The following COX7B2 variants were observed in gnomAD, a reference collection of about 807,000 sequenced individuals.
The protein encoded by COX7B2 is cytochrome c oxidase subunit 7B2, also known as cytochrome c oxidase subunit 7B2, mitochondrial.
For missense variants in COX7B2, 109 were observed against 95.9 expected, an observed-to-expected ratio of 1.14 and a Z score of -0.57; for synonymous variants, 37 against 32.1, an observed-to-expected ratio of 1.15 and a Z score of -0.51.
chr4:46,874,394 A>G (rs532245180), intron 1 of COX7B2, among the ~76,000 whole-genome samples: 25 of 152,350 alleles, frequency 1.6e-4, no homozygotes, highest in Non-Finnish European at 2.6e-4. Flanking sequence ...AGTGGTGAGT[A>G]GAATTTCACC....
intron 2 of COX7B2, among the ~76,000 whole-genome samples, chr4:46,745,820 C>T (rs2109413637): frequency 6.6e-6 from 1 of 152,270 alleles, no homozygotes; most frequent in South Asian, 2.1e-4. Flanking sequence ...AATCAGAATA[C>T]AGATTTTTGT....
At chr4:46,757,879 T>C (rs1366790588) in intron 2 of COX7B2, among the ~76,000 whole-genome samples, 1 of 152,130 alleles carries the variant, frequency 6.6e-6, no homozygotes, top group Non-Finnish European at 1.5e-5. Flanking sequence ...CACAAGGCCC[T>C]GAGGCAGAAA....
At chr4:46,758,006 G>A (rs1715900793) in intron 2 of COX7B2, among the ~76,000 whole-genome samples, 1 of 151,906 alleles carries the variant, frequency 6.6e-6, no homozygotes, top group African/African-American at 2.4e-5. Context: ...GATTTTATTT[G>A]CAGCTACAAT....
intron 2 of COX7B2, among the ~76,000 whole-genome samples, chr4:46,751,693 G>C (rs1490874390): frequency 6.6e-6 from 1 of 152,040 alleles, no homozygotes; most frequent in Non-Finnish European, 1.5e-5. Context: ...TTTATATTAG[G>C]TGGGCAGAAA....
chr4:46,840,494 A>T (rs1206608789), intron 2 of COX7B2, among the ~76,000 whole-genome samples: 1 of 151,960 alleles, frequency 6.6e-6, no homozygotes, highest in African/African-American at 2.4e-5. Flanking sequence ...GAGAGAGTCA[A>T]TGTAAATAGA....
intron 1 of COX7B2, among the ~76,000 whole-genome samples, chr4:46,884,250 G>A (rs1326436712): frequency 2.0e-5 from 3 of 152,056 alleles, no homozygotes; most frequent in Non-Finnish European, 4.4e-5. Context: ...GAGTGCAGTG[G>A]CACCACCATA....
chr4:46,907,185 A>G (rs1720442606), intron 1 of COX7B2, among the ~76,000 whole-genome samples: 1 of 152,050 alleles, frequency 6.6e-6, no homozygotes, highest in Non-Finnish European at 1.5e-5. Context: ...TCTTTTACCA[A>G]TCCTATGACA....
At chr4:46,769,103 T>A (rs1442978676) in intron 2 of COX7B2, among the ~76,000 whole-genome samples, 1 of 151,926 alleles carries the variant, frequency 6.6e-6, no homozygotes, top group African/African-American at 2.4e-5. Flanking sequence ...AACAAACATT[T>A]AAATAAGAAT....
intron 2 of COX7B2, among the ~76,000 whole-genome samples, chr4:46,839,890 T>A (rs568669261): frequency 9.2e-5 from 14 of 151,912 alleles, no homozygotes; most frequent in Admixed American, 4.6e-4. Flanking sequence ...ATACAAAATA[T>A]AGGTGGGGAG....
intron 2 of COX7B2, among the ~76,000 whole-genome samples, chr4:46,768,296 C>G (rs1716666389): frequency 6.6e-6 from 1 of 152,208 alleles, no homozygotes; most frequent in Non-Finnish European, 1.5e-5. Context: ...GGAAAGCAGT[C>G]TTCCCCTGGA....
chr4:46,804,247 G>C (rs1560391672), intron 2 of COX7B2, among the ~76,000 whole-genome samples: 1 of 152,174 alleles, frequency 6.6e-6, no homozygotes, highest in Non-Finnish European at 1.5e-5. Context: ...CGGACCCAAA[G>C]AGTGAGCAGT....
intron 1 of COX7B2, among the ~76,000 whole-genome samples, chr4:46,878,139 G>C (rs962947083): frequency 5.3e-5 from 8 of 151,856 alleles, no homozygotes; most frequent in African/African-American, 1.9e-4. Flanking sequence ...AAATAAGCCA[G>C]ACACAGAAAG....
chr4:46,885,445 A>G (rs1719027703), intron 1 of COX7B2, among the ~76,000 whole-genome samples: 1 of 152,178 alleles, frequency 6.6e-6, no homozygotes, highest in African/African-American at 2.4e-5. Context: ...AAGTAAACAT[A>G]TAAACAAGTT....
intron 2 of COX7B2, among the ~76,000 whole-genome samples, chr4:46,759,560 G>T (rs2109466127): frequency 6.6e-6 from 1 of 152,044 alleles, no homozygotes; most frequent in East Asian, 1.9e-4. Context: ...CTTCTCAAAA[G>T]AAGACATTTA....
chr4:46,833,367 G>A (rs1294087416), intron 2 of COX7B2, among the ~76,000 whole-genome samples: 2 of 152,210 alleles, frequency 1.3e-5, no homozygotes, highest in East Asian at 1.9e-4. Flanking sequence ...ACAAGAGGAT[G>A]TAACTAGAAT....
chr4:46,824,695 G>T (rs2109705779), intron 2 of COX7B2, among the ~76,000 whole-genome samples: 1 of 148,710 alleles, frequency 6.7e-6, no homozygotes, highest in East Asian at 1.9e-4. Flanking sequence ...TATCAAGTAG[G>T]CTTCATCACC....
chr4:46,828,631 G>A (rs575080002), intron 2 of COX7B2, among the ~76,000 whole-genome samples: 4 of 152,136 alleles, frequency 2.6e-5, no homozygotes, highest in Non-Finnish European at 5.9e-5. Context: ...AGGCAATAAC[G>A]AAAAGAAGAA....
At chr4:46,896,021 A>C (rs780036044) in intron 1 of COX7B2, among the ~76,000 whole-genome samples, 1 of 152,192 alleles carries the variant, frequency 6.6e-6, no homozygotes, top group African/African-American at 2.4e-5. Context: ...GCTTCTGGAG[A>C]AGTTATTATT....
chr4:46,735,290 C>T, intron 2 of COX7B2, 49 bp from the exon 3 acceptor site: 1 of 1,382,722 alleles, frequency 7.2e-7, no homozygotes, highest in Non-Finnish European at 1.0e-6. Context: ...TTATTCAATT[C>T]CTTCCGCTTT....
Sources: gnomAD v4.1 joint callset for allele counts (sites outside exome capture counted in the v4.1 genomes callset) on GRCh38, gnomAD v4.1.1 for gene constraint, MANE v1.5 for transcripts, NCBI Gene and HGNC (gene_info 2026-07-23, HGNC 2026-07-21) for gene names.